The following PHLDB2 variants were observed in gnomAD, a reference collection of about 807,000 sequenced individuals.
PHLDB2 encodes the protein pleckstrin homology-like domain family B member 2.
Under a neutral mutation model 123.6 loss-of-function variants are expected in PHLDB2, and 71 were observed. The ratio of observed to expected loss-of-function variants is 0.57; its 90% CI spans 0.47 to 0.70. PHLDB2 has a LOEUF of 0.70. Among genes scored for constraint, PHLDB2 ranks in the 30% least tolerant of loss-of-function variants. The probability of loss-of-function intolerance (pLI) is 0.00; values close to 1 mark genes in which losing one functional copy is unlikely to be tolerated. For missense variants in PHLDB2, 1,446 were observed against 1,519.5 expected, an observed-to-expected ratio of 0.95 and a Z score of 0.80; for synonymous variants, 547 against 541.6, an observed-to-expected ratio of 1.01 and a Z score of -0.14.
intron 13 of PHLDB2, among the ~76,000 whole-genome samples, chr3:111,965,887 C>G (rs531299644): frequency 6.6e-6 from 1 of 152,178 alleles, no homozygotes. Flanking sequence ...ACTGTTCTTG[C>G]ACCTTTCACT....
At chr3:111,775,697 G>A (rs1038131228) in intron 1 of PHLDB2, among the ~76,000 whole-genome samples, 17 of 152,114 alleles carry the variant, frequency 1.1e-4, no homozygotes, top group Admixed American at 4.6e-4. Context: ...TAAAACTAGA[G>A]ATAAAATTTT....
intron 1 of PHLDB2, among the ~76,000 whole-genome samples, chr3:111,837,468 C>A (rs2063469652): frequency 6.6e-6 from 1 of 151,816 alleles, no homozygotes; most frequent in South Asian, 2.1e-4. Flanking sequence ...TCTGTTGTGT[C>A]AAAAAAAGTG....
chr3:111,838,207 C>T (rs2063504639), intron 1 of PHLDB2, among the ~76,000 whole-genome samples: 1 of 152,104 alleles, frequency 6.6e-6, no homozygotes, highest in South Asian at 2.1e-4. Flanking sequence ...CGCTATGTTG[C>T]CCAGGCTTGT....
At chr3:111,770,121 A>G (rs1331613824) in intron 1 of PHLDB2, among the ~76,000 whole-genome samples, 1 of 152,242 alleles carries the variant, frequency 6.6e-6, no homozygotes, top group Non-Finnish European at 1.5e-5. Flanking sequence ...CCAGAGCCAC[A>G]CAGCTGAGAG....
chr3:111,780,383 A>G (rs943830520), intron 1 of PHLDB2, among the ~76,000 whole-genome samples: 1 of 46,150 alleles, frequency 2.2e-5, no homozygotes, highest in East Asian at 3.7e-3. Context: ...GAAGAAGAAG[A>G]AGAAGAAGAA....
chr3:111,829,550 G>T (rs2062835382), intron 1 of PHLDB2, among the ~76,000 whole-genome samples: 1 of 142,062 alleles, frequency 7.0e-6, no homozygotes, highest in African/African-American at 2.6e-5. Flanking sequence ...TGCAACCTCT[G>T]CCTCCTGGGT....
intron 1 of PHLDB2, among the ~76,000 whole-genome samples, chr3:111,772,914 T>A (rs2060202973): frequency 1.3e-5 from 2 of 152,172 alleles, no homozygotes; most frequent in Non-Finnish European, 2.9e-5. Flanking sequence ...TTGGATTTTC[T>A]TCACAGAGAC....
At chr3:111,760,600 C>T (rs2059975910) in intron 1 of PHLDB2, among the ~76,000 whole-genome samples, 1 of 152,002 alleles carries the variant, frequency 6.6e-6, no homozygotes, top group South Asian at 2.1e-4. Flanking sequence ...CTGCGGGACT[C>T]ATCTTACTCT....
intron 2 of PHLDB2, among the ~76,000 whole-genome samples, chr3:111,904,222 G>A (rs1352821568): frequency 2.9e-5 from 4 of 139,016 alleles, no homozygotes; most frequent in Non-Finnish European, 4.6e-5. Context: ...GGGTTGCAAT[G>A]AGCCAAGATT....
chr3:111,816,062 G>A lies in PHLDB2; in HGVS notation c.-48-29759G>A, dbSNP rs111803264. Among the ~76,000 whole-genome samples, 447 of 151,848 alleles carry A rather than the reference G, an allele frequency of 2.9e-3. 3 individuals are homozygous for A. Among genetic ancestry groups the A allele is most frequent in the African/African-American group, 0.01 (429 of 41,122 alleles). On this transcript the variant is annotated intron_variant, in intron 1 of 17. Coordinates refer to the PHLDB2 transcript ENST00000393923. The stretch of plus-strand genomic sequence containing the variant: ...GAGCCTGCGAGTGAACAGAAATCAA[G>A]AATTGAGGCTTTAGAACTTCCCCCT...
At chr3:111,956,621 A>G (rs1014033578) in intron 12 of PHLDB2, among the ~76,000 whole-genome samples, 3 of 152,188 alleles carry the variant, frequency 2.0e-5, no homozygotes, top group Non-Finnish European at 4.4e-5. Flanking sequence ...CTTCTGAGGA[A>G]ATAAAGAACC....
chr3:111,827,361 C>T (rs1014642801), intron 1 of PHLDB2, among the ~76,000 whole-genome samples: 3 of 152,188 alleles, frequency 2.0e-5, no homozygotes, highest in African/African-American at 7.2e-5. Context: ...TGGCCAAATC[C>T]CACTCTGTTA....
Position 111,899,781 on chromosome 3 carries a change from C to T in PHLDB2, c.1336-13538C>T, listed in dbSNP as rs537194009. ...TTCCAATATAAAGCTGTTTTGTCTA[C>T]GTTGTTTGTTTGTTGATTGATTAAT... On this transcript the variant is annotated intron_variant, in intron 2 of 17. Coordinates refer to ENST00000431670, the MANE Select transcript of PHLDB2 (RefSeq NM_001134438.2). 2.6e-5 allele frequency among the ~76,000 whole-genome samples: 4 copies of T among 152,246 alleles called. No homozygotes were observed. The East Asian group carries it at 5.8e-4, about 22-fold the overall frequency.
At chr3:111,892,096 CAT>C (rs532304562) in intron 2 of PHLDB2, among the ~76,000 whole-genome samples, 180 of 152,312 alleles carry the variant, frequency 1.2e-3, no homozygotes, top group African/African-American at 4.1e-3. Flanking sequence ...ATTTCTCAAA[CAT>C]GTTGTAATGT....
intron 1 of PHLDB2, among the ~76,000 whole-genome samples, chr3:111,803,238 C>A (rs972350072): frequency 8.5e-5 from 13 of 152,160 alleles, no homozygotes; most frequent in African/African-American, 2.9e-4. Context: ...AGGCAGCTAG[C>A]CAAAACTTAT....
At chr3:111,868,686 T>C (rs1473159885) in intron 1 of PHLDB2, among the ~76,000 whole-genome samples, 1 of 152,190 alleles carries the variant, frequency 6.6e-6, no homozygotes, top group East Asian at 1.9e-4. Context: ...CCTTTAAATA[T>C]TGGTAAAGCT....
chr3:111,909,201 AT>A (rs1322240598), intron 2 of PHLDB2, among the ~76,000 whole-genome samples: 4 of 152,122 alleles, frequency 2.6e-5, no homozygotes, highest in Non-Finnish European at 5.9e-5. Context: ...TTTTTCTGTA[AT>A]TTTTGTGTAC....
intron 1 of PHLDB2, among the ~76,000 whole-genome samples, chr3:111,764,876 G>T (rs745678276): frequency 1.3e-5 from 2 of 152,200 alleles, no homozygotes; most frequent in Non-Finnish European, 2.9e-5. Flanking sequence ...TTTTTGATGA[G>T]TCAGACTCTG....
At chr3:111,880,024 C>G (rs934644761) in intron 1 of PHLDB2, among the ~76,000 whole-genome samples, 1 of 129,250 alleles carries the variant, frequency 7.7e-6, no homozygotes, top group Admixed American at 8.6e-5. Context: ...TCCACAGTCT[C>G]TTTGGTGATT....
Sources: allele counts gnomAD v4.1 joint callset (sites outside exome capture counted in the v4.1 genomes callset), GRCh38; gene constraint gnomAD v4.1.1; transcripts MANE v1.5; gene names NCBI Gene and HGNC (gene_info 2026-07-23, HGNC 2026-07-21).